The following GLMN variants were observed in gnomAD, a reference collection of about 807,000 sequenced individuals.
GLMN encodes glomulin.
In GLMN, 75 loss-of-function variants were observed where a neutral mutation model predicts 87.8. That is an observed-to-expected ratio of 0.85 (90% CI 0.71 to 1.04). GLMN has a LOEUF of 1.04. Among genes scored for constraint, GLMN ranks in the 50% least tolerant of loss-of-function variants. GLMN has a pLI of 0.00. For missense variants in GLMN, 588 were observed against 658.8 expected (o/e 0.89, Z 1.18); for synonymous variants, 206 against 221.6 (o/e 0.93, Z 0.63).
rs765749512 is a variant in GLMN, at chr1:92,271,637, T to C, written c.751A>G (p.Ile251Val). ...ASEIIGFLSAIGHPFPKMIFN... is the reference protein window; with the variant it reads ...ASEIIGFLSAVGHPFPKMIFN... Reference sequence around the variant, plus strand: ...ATCATTTTGGGGAAAGGGTGTCCAATTGCTGATAAAAAACCCTATGAAATG... The same window carrying C: ...ATCATTTTGGGGAAAGGGTGTCCAACTGCTGATAAAAAACCCTATGAAATG... The change falls in exon 8 of 19, where the codon ATT becomes GTT. Residue 251 changes from isoleucine to valine, a missense_variant. Ile to Val is a conservative substitution (Grantham distance 29, BLOSUM62 3). Coordinates refer to ENST00000370360, the MANE Select transcript of GLMN (RefSeq NM_053274.3). 1.8e-5 allele frequency: 29 copies of C among 1,611,764 alleles called. No individual in the cohort carries two copies. Among genetic ancestry groups the C allele is most frequent in the East Asian group, 8.9e-5 (4 of 44,860 alleles).
intron 7 of GLMN, among the ~76,000 whole-genome samples, chr1:92,281,883 C>A (rs912161050): frequency 1.3e-5 from 2 of 151,664 alleles, no homozygotes; most frequent in African/African-American, 4.8e-5. Flanking sequence ...AAGAAGGCCA[C>A]TACATAATGG....
At position 92,283,753 on chromosome 1, in the gene GLMN, C is replaced by A. The variant is rs545921406; in HGVS notation, c.735+2737G>T. 1.2e-4 allele frequency among the ~76,000 whole-genome samples: 18 copies of A among 152,162 alleles called. No homozygotes were observed. In the South Asian group the frequency reaches 1.2e-3, roughly 11 times the overall value. ...CTCAGCCCAAAATCTCCTTAAGCTG[C>A]TAAGCAACTTCAGCAAAGTCTCAGG... On this transcript the variant is annotated intron_variant, in intron 7 of 18. Coordinates refer to ENST00000370360, the MANE Select transcript of GLMN (RefSeq NM_053274.3).
chr1:92,363,281 T>C, the GLMN span, among the ~76,000 whole-genome samples: 1 of 151,810 alleles, frequency 6.6e-6, no homozygotes, highest in Non-Finnish European at 1.5e-5. Context: ...AAGGAGCCAA[T>C]AAAGAAAAAT....
At chr1:92,248,540 C>G (rs1012281450) in intron 16 of GLMN, 5 of 152,788 alleles carry the variant, frequency 3.3e-5, no homozygotes, top group African/African-American at 1.2e-4. Flanking sequence ...TTTTCTCTTA[C>G]AGTACTAATG....
chr1:92,338,255 C>CA, the GLMN span, among the ~76,000 whole-genome samples: 1 of 152,136 alleles, frequency 6.6e-6, no homozygotes, highest in Admixed American at 6.5e-5. Context: ...CATTAGGTGT[C>CA]ATGAAAACTA....
chr1:92,248,316 C>G, intron 16 of GLMN: 1 of 228,176 alleles, frequency 4.4e-6, no homozygotes. Context: ...TCCACAATGA[C>G]TCTACCTTAT....
intron 4 of GLMN, 54 bp from the exon 5 acceptor site, chr1:92,290,360 C>G: frequency 9.8e-7 from 1 of 1,025,184 alleles, no homozygotes; most frequent in Admixed American, 1.7e-5. Flanking sequence ...TTTAAAGCCA[C>G]ATTATTACTA....
At chr1:92,304,028 A>G in the GLMN span, 27 of 1,613,124 alleles carry the variant, frequency 1.7e-5, no homozygotes, top group East Asian at 2.2e-5. Flanking sequence ...TGAACGTTCT[A>G]TTGTCAAACT....
intron 9 of GLMN, among the ~76,000 whole-genome samples, chr1:92,268,915 C>T (rs1655938643): frequency 1.7e-5 from 2 of 120,474 alleles, no homozygotes; most frequent in Non-Finnish European, 3.5e-5. Flanking sequence ...CTGTAATTTC[C>T]TTTTTTTTTT....
At chr1:92,275,118 G>A (rs1647194314) in intron 7 of GLMN, among the ~76,000 whole-genome samples, 1 of 152,192 alleles carries the variant, frequency 6.6e-6, no homozygotes, top group African/African-American at 2.4e-5. Context: ...TGAGTGCTCA[G>A]TACTACTGAC....
intron 3 of GLMN, among the ~76,000 whole-genome samples, chr1:92,293,454 C>T (rs899996693): frequency 2.0e-5 from 3 of 151,992 alleles, no homozygotes; most frequent in Non-Finnish European, 4.4e-5. Context: ...TACAGGTGCC[C>T]GCCACCACTC....
At chr1:92,291,302 C>A in intron 4 of GLMN, 116 bp downstream of exon 4, 1 of 925,262 alleles carries the variant, frequency 1.1e-6, no homozygotes, top group Non-Finnish European at 1.7e-6. Context: ...CAACGAGTTC[C>A]TTTCTGCATG....
the GLMN span, among the ~76,000 whole-genome samples, chr1:92,338,330 CT>C: frequency 6.6e-6 from 1 of 152,170 alleles, no homozygotes; most frequent in Non-Finnish European, 1.5e-5. Context: ...TGGCCTTGGC[CT>C]TTGCCAAAAG....
chr1:92,350,802 C>T, the GLMN span, among the ~76,000 whole-genome samples: 13 of 152,096 alleles, frequency 8.5e-5, 1 homozygote, highest in East Asian at 2.3e-3. Flanking sequence ...CATGGTGGGG[C>T]ATGCCTATAG....
At chr1:92,339,695 T>C in the GLMN span, among the ~76,000 whole-genome samples, 8 of 152,130 alleles carry the variant, frequency 5.3e-5, no homozygotes, top group African/African-American at 7.2e-5. Flanking sequence ...GTGACTAATT[T>C]GTGTTTTTTA....
chr1:92,286,021 T>C (rs982752286), intron 7 of GLMN, among the ~76,000 whole-genome samples: 1 of 152,028 alleles, frequency 6.6e-6, no homozygotes, highest in African/African-American at 2.4e-5. Context: ...AAAATTTAAT[T>C]ACTAGGTTAC....
At chr1:92,269,932 G>C (rs961479948) in intron 8 of GLMN, among the ~76,000 whole-genome samples, 156 bp from the exon 9 acceptor site, 7 of 152,166 alleles carry the variant, frequency 4.6e-5, no homozygotes. Context: ...TTTGGAGATA[G>C]GGTTATGGAG....
At chr1:92,357,193 C>T in the GLMN span, among the ~76,000 whole-genome samples, 135 of 151,744 alleles carry the variant, frequency 8.9e-4, no homozygotes, top group Admixed American at 2.4e-3. Flanking sequence ...AAAGATTAAA[C>T]AAATCCCTTT....
the GLMN span, among the ~76,000 whole-genome samples, chr1:92,338,123 A>G: frequency 5.9e-5 from 9 of 152,322 alleles, no homozygotes; most frequent in East Asian, 1.5e-3. Context: ...GTTGGCTGAT[A>G]AAACAAGCAC....
Sources: gnomAD v4.1 joint callset for allele counts (sites outside exome capture counted in the v4.1 genomes callset) on GRCh38, gnomAD v4.1.1 for gene constraint, MANE v1.5 for transcripts, NCBI Gene and HGNC (gene_info 2026-07-23, HGNC 2026-07-21) for gene names.